TAF5: variants seen among roughly 807,000 people sequenced by gnomAD.
TAF5 encodes transcription initiation factor TFIID subunit 5.
Under a neutral mutation model 80.9 loss-of-function variants are expected in TAF5, and 20 were observed. That is an observed-to-expected ratio of 0.25 (90% CI 0.17 to 0.36). The LOEUF (loss-of-function observed/expected upper bound fraction) is 0.36, where lower values mean the gene tolerates loss of function less well. Among genes scored for constraint, TAF5 ranks in the 10% least tolerant of loss-of-function variants. The pLI, the probability that TAF5 is intolerant of heterozygous loss-of-function variation, is 1.00. For synonymous variants in TAF5, 388 were observed against 406.4 expected (o/e 0.95, Z 0.55); for missense variants, 863 against 1,029.4 (o/e 0.84, Z 2.21).
At position 103,371,961 on chromosome 10, in the gene TAF5, G is replaced by A. The variant is rs561154074; in HGVS notation, c.560-1397G>A. ...TTATTGTTTTTTTTTTTTTTGAGAC[G>A]GAGTCTTGCTCTGTCACCAGGCTGG... is the stretch of plus-strand genomic sequence containing the variant. On this transcript the variant is annotated intron_variant, in intron 1 of 10. Coordinates refer to ENST00000369839, the MANE Select transcript of TAF5 (RefSeq NM_006951.5). Among the ~76,000 whole-genome samples the A allele has an allele frequency of 1.4e-4, 21 of 149,152 alleles. 1 individual carries two copies. In the South Asian group the frequency reaches 4.4e-3, roughly 32 times the overall value.
intron 1 of TAF5, among the ~76,000 whole-genome samples, chr10:103,372,591 C>T (rs1275138125): frequency 6.6e-6 from 1 of 150,820 alleles, no homozygotes; most frequent in South Asian, 2.1e-4. Flanking sequence ...GTCTCAGCCT[C>T]CCAAAGTGCT....
At position 103,388,824 on chromosome 10, in the gene TAF5, A is replaced by G. The variant is rs1477750882; in HGVS notation, c.*601A>G. 6.5e-6 allele frequency: 1 copy of G among 152,984 alleles called. No homozygotes were observed. Among genetic ancestry groups the G allele is most frequent in the African/African-American group, 2.4e-5 (1 of 41,454 alleles). 9.5% of individuals were successfully genotyped at this position (152,984 alleles called of 1,614,324 possible). A position where few individuals can be genotyped will look rare whatever the true frequency, so the allele number is the denominator to read the frequency against. ...AGTTTTGAGTGCACCCAAACACTCG[A>G]TAAACCAGGTGAAGAAATTTAGCTT... On this transcript the variant is annotated 3_prime_UTR_variant, in exon 11 of 11. Coordinates refer to ENST00000369839, the MANE Select transcript of TAF5 (RefSeq NM_006951.5).
In TAF5 at chr10:103,378,301, G is replaced by T; in HGVS notation, c.864G>T (p.Lys288Asn). Reference sequence around the variant, plus strand: ...GAGTATTATCTAGTCTTACCAAAAAGGAACACATGAAAGGGAATGAGACCA... The same window carrying T: ...GAGTATTATCTAGTCTTACCAAAAATGAACACATGAAAGGGAATGAGACCA... ...DLRVLSSLTK[K>N]EHMKGNETML... Residue 288 changes from lysine (K) to asparagine (N), a missense_variant, in exon 3 of 11, where the codon AAG (lysine) becomes AAT (asparagine). By Grantham distance (94) the Lys-to-Asn change is moderately conservative. Coordinates refer to ENST00000369839, the MANE Select transcript of TAF5 (RefSeq NM_006951.5). The surrounding 1 kb of genome is among the most constrained non-coding windows in gnomAD (Gnocchi z 4.1). The T allele has an allele frequency of 6.2e-7, 1 of 1,614,132 alleles. No homozygotes were observed. The highest frequency in any genetic ancestry group is 8.5e-7 in the Non-Finnish European group (1 of 1,180,030).
chr10:103,370,100 C>T (rs372767571), intron 1 of TAF5, among the ~76,000 whole-genome samples: 15 of 151,090 alleles, frequency 9.9e-5, no homozygotes, highest in Non-Finnish European at 1.8e-4. Flanking sequence ...GGCGTGGTGG[C>T]GCATGCCTGT....
intron 8 of TAF5, among the ~76,000 whole-genome samples, chr10:103,386,399 C>A (rs914728592): frequency 6.6e-6 from 1 of 152,056 alleles, no homozygotes; most frequent in African/African-American, 2.4e-5. Flanking sequence ...GAGATTGCAC[C>A]ACGGCATTCT....
chr10:103,385,233 ATAAAATAT>A (rs1422056016), intron 7 of TAF5, 85 bp from the exon 8 acceptor site: 4 of 985,116 alleles, frequency 4.1e-6, no homozygotes, highest in Non-Finnish European at 5.9e-6. Flanking sequence ...TCAAATATAT[ATAAAATAT>A]TAAATGTATT....
Position 103,368,049 on chromosome 10 carries a change from G to T in TAF5, c.60G>T (p.Pro20=). ...CGGTCAAGCTAGAGCCTGAGGGACC[G>T]CCAACGCTGCTACCTCCGCAGGCGG... is the stretch of plus-strand genomic sequence containing the variant. The part of the protein sequence containing the change: ...EVAVKLEPEG[P]PTLLPPQAGD... Residue 20 remains proline (P), a synonymous_variant, in exon 1 of 11, where the codon CCG becomes CCT. Transcript: ENST00000369839. 1 of 1,441,822 alleles carries T rather than the reference G, an allele frequency of 6.9e-7. No individual in the cohort carries two copies. Among genetic ancestry groups the T allele is most frequent in the Non-Finnish European group, 9.1e-7 (1 of 1,100,372 alleles). 89.3% of individuals were successfully genotyped at this position (1,441,822 alleles called of 1,614,324 possible).
intron 10 of TAF5, 49 bp from the exon 11 acceptor site, chr10:103,387,957 A>C: frequency 1.9e-6 from 3 of 1,542,568 alleles, no homozygotes; most frequent in Non-Finnish European, 2.7e-6. Context: ...AAATGTCCGA[A>C]TGTAAATATG....
Position 103,368,232 on chromosome 10 carries a change from G to A in TAF5, c.243G>A (p.Val81=). 2 of 1,450,730 alleles carry A rather than the reference G, an allele frequency of 1.4e-6. No homozygotes were observed. Among genetic ancestry groups the A allele is most frequent in the Non-Finnish European group, 9.1e-7 (1 of 1,103,258 alleles). 89.9% of individuals were successfully genotyped at this position (1,450,730 alleles called of 1,614,324 possible). A position where few individuals can be genotyped will look rare whatever the true frequency, so the allele number is the denominator to read the frequency against. ...CTGCCCCGGCGGGGGCGGCCCCGGT[G>A]CCCGCCGCTGCTCCGGACGCCGGCG... is the stretch of plus-strand genomic sequence containing the variant. The part of the protein sequence containing the change: ...SAAAPAGAAP[V]PAAAPDAGAP... Residue 81 remains valine, a synonymous_variant, in exon 1 of 11, where the codon GTG becomes GTA. Transcript: ENST00000369839.
At chr10:103,385,701 G>T (rs1338739164) in intron 8 of TAF5, among the ~76,000 whole-genome samples, 1 of 151,854 alleles carries the variant, frequency 6.6e-6, no homozygotes, top group Non-Finnish European at 1.5e-5. Flanking sequence ...GAGGTGGATG[G>T]ATCACCTGAG....
intron 2 of TAF5, among the ~76,000 whole-genome samples, chr10:103,375,548 A>G (rs1490759663): frequency 3.7e-4 from 57 of 152,208 alleles, no homozygotes; most frequent in Admixed American, 3.7e-3. Flanking sequence ...TAGATGATAT[A>G]TGAGAGCTCA....
intron 1 of TAF5, among the ~76,000 whole-genome samples, chr10:103,372,156 T>C (rs182456326): frequency 1.7e-4 from 26 of 151,594 alleles, no homozygotes; most frequent in Middle Eastern, 3.4e-3. Context: ...AGGCTGGTCT[T>C]GAACTTCTGA....
Position 103,385,328 on chromosome 10 carries a change from A to T in TAF5, c.1667A>T (p.Asn556Ile). The T allele has an allele frequency of 6.2e-7, 1 of 1,605,802 alleles. No individual in the cohort carries two copies. The highest frequency in any genetic ancestry group is 8.5e-7 in the Non-Finnish European group (1 of 1,173,330). Reference sequence around the variant, plus strand: ...TATATCACCTTCTCTTCTCTCAGGAACTATCTGCTTTCCTCTTCAGAGGAC... The same window carrying T: ...TATATCACCTTCTCTTCTCTCAGGATCTATCTGCTTTCCTCTTCAGAGGAC... Reference protein sequence around the residue: ...VYGASFSPDRNYLLSSSEDGT... With the variant: ...VYGASFSPDRIYLLSSSEDGT... The change falls in exon 8 of 11, where the codon AAC becomes ATC. Residue 556 changes from asparagine to isoleucine, a missense_variant and splice_region_variant. Asn to Ile is a moderately radical substitution (Grantham distance 149, BLOSUM62 -3). Coordinates refer to ENST00000369839, the MANE Select transcript of TAF5 (RefSeq NM_006951.5).
intron 2 of TAF5, among the ~76,000 whole-genome samples, chr10:103,377,622 T>C (rs910826113): frequency 6.6e-6 from 1 of 152,232 alleles, no homozygotes; most frequent in Non-Finnish European, 1.5e-5. Flanking sequence ...TAGTTGTTGA[T>C]ACCAAACAAT....
chr10:103,382,627 A>G (rs2093385446), intron 6 of TAF5, among the ~76,000 whole-genome samples: 1 of 151,114 alleles, frequency 6.6e-6, no homozygotes, highest in African/African-American at 2.4e-5. Flanking sequence ...TTATTTCAAT[A>G]TTTCCATAGG....
At chr10:103,379,242 T>G (rs2093376592) in intron 3 of TAF5, among the ~76,000 whole-genome samples, 1 of 152,242 alleles carries the variant, frequency 6.6e-6, no homozygotes, top group Non-Finnish European at 1.5e-5. Flanking sequence ...GTTTCAGCAT[T>G]GCAGCTCCGT....
In TAF5 at chr10:103,373,419, A is replaced by T; in HGVS notation, c.621A>T (p.Gln207His). Reference sequence around the variant, plus strand: ...GTGCCGTGTTGTCAGCCTACAACCAACAAGGAGATCCCACAATGTATGAAG... The same window carrying T: ...GTGCCGTGTTGTCAGCCTACAACCATCAAGGAGATCCCACAATGTATGAAG... ...DVSAVLSAYN[Q>H]QGDPTMYEEY... is the part of the protein sequence containing the mutation. Residue 207 changes from glutamine (Q) to histidine (H), a missense_variant, in exon 2 of 11, where the codon CAA becomes CAT. Gln to His is a conservative substitution (Grantham distance 24). This residue lies in a region of TAF5 where 367 missense variants were observed against 335.5 expected (regional missense o/e 1.09). Transcript: ENST00000369839. The T allele has an allele frequency of 6.2e-7, 1 of 1,614,166 alleles. No homozygotes were observed. The highest frequency in any genetic ancestry group is 1.1e-5 in the South Asian group (1 of 91,084).
chr10:103,381,669 A>G (rs1420393224), intron 5 of TAF5, 52 bp from the exon 6 acceptor site: 3 of 1,594,312 alleles, frequency 1.9e-6, no homozygotes, highest in East Asian at 2.2e-5. Context: ...TTTGCTTCCT[A>G]TCTCTAAATA....
Position 103,381,852 on chromosome 10 carries a change from TG to T in TAF5, c.1534+12del. The T allele has an allele frequency of 6.2e-7, 1 of 1,614,172 alleles. No individual in the cohort carries two copies. The highest frequency in any genetic ancestry group is 8.5e-7 in the Non-Finnish European group (1 of 1,180,006). ...TCAAACAAGCATCAGGTAACTGAGA[TG>T]ACCTTTTGGAATGTGAACTTGCCAT... On this transcript the variant is annotated intron_variant, in intron 6 of 10. Coordinates refer to ENST00000369839, the MANE Select transcript of TAF5 (RefSeq NM_006951.5).
Sources: allele counts gnomAD v4.1 joint callset (sites outside exome capture counted in the v4.1 genomes callset), GRCh38; gene constraint gnomAD v4.1.1; regional missense constraint gnomAD v4.1.1; non-coding constraint Gnocchi (gnomAD v3.1); transcripts MANE v1.5; gene names NCBI Gene and HGNC (gene_info 2026-07-23, HGNC 2026-07-21).